Variants in DAB1 observed in about 807,000 individuals in gnomAD.
DAB1 encodes the protein DAB adaptor protein 1.
In DAB1, 15 loss-of-function variants were observed where a neutral mutation model predicts 64.6. The observed-to-expected ratio is 0.23, with a 90% CI of 0.16 to 0.36. DAB1 has a LOEUF of 0.36. DAB1 is among the 10% of genes least tolerant of loss of function. DAB1 has a pLI of 1.00. For missense variants in DAB1, 596 were observed against 706.7 expected (o/e 0.84, Z 1.78); for synonymous variants, 235 against 251.9 (o/e 0.93, Z 0.64).
intron 7 of DAB1, among the ~76,000 whole-genome samples, chr1:57,628,839 CTCTT>C (rs1375271359): frequency 6.6e-6 from 1 of 152,124 alleles, no homozygotes; most frequent in South Asian, 2.1e-4. Flanking sequence ...CCAGTTTTTA[CTCTT>C]TCTTCAATAT....
chr1:58,324,938 T>C (rs1380701597), intron 4 of DAB1, among the ~76,000 whole-genome samples: 1 of 152,246 alleles, frequency 6.6e-6, no homozygotes, highest in Non-Finnish European at 1.5e-5. Context: ...CATTCCACTG[T>C]GCTATGGACA....
At chr1:57,702,897 C>G (rs1646923364) in intron 6 of DAB1, among the ~76,000 whole-genome samples, 1 of 152,278 alleles carries the variant, frequency 6.6e-6, no homozygotes, top group African/African-American at 2.4e-5. Context: ...ACACCTACAA[C>G]TATCTGGTCT....
chr1:57,553,428 AAGAAAGAAAGAAAG>A (rs1558487128), intron 7 of DAB1, among the ~76,000 whole-genome samples: 53 of 16,310 alleles, frequency 3.2e-3, no homozygotes, highest in African/African-American at 4.1e-3. Flanking sequence ...GAAAGAAAGA[AAGAAAGAAAGAAAG>A]AGAAAGAAAG....
chr1:57,336,994 A>T (rs1272174443), intron 1 of DAB1, among the ~76,000 whole-genome samples: 1 of 151,798 alleles, frequency 6.6e-6, no homozygotes, highest in Non-Finnish European at 1.5e-5. Context: ...GTACTCACAA[A>T]CAGAGAGTGT....
At chr1:58,048,990 A>G (rs1647438305) in intron 5 of DAB1, 2 of 810,396 alleles carry the variant, frequency 2.5e-6, no homozygotes, top group Non-Finnish European at 4.3e-6. Flanking sequence ...TTCACAGTTA[A>G]GTGGGCACCT....
At chr1:58,365,742 C>A (rs1644210475) in intron 3 of DAB1, among the ~76,000 whole-genome samples, 1 of 152,120 alleles carries the variant, frequency 6.6e-6, no homozygotes, top group African/African-American at 2.4e-5. Flanking sequence ...AAGATAAGCA[C>A]CAAGGGCACA....
intron 7 of DAB1, among the ~76,000 whole-genome samples, chr1:57,490,847 T>C (rs543525812): frequency 6.6e-6 from 1 of 152,342 alleles, no homozygotes; most frequent in South Asian, 2.1e-4. Context: ...TTGATACAAA[T>C]GAAACTTGCA....
chr1:57,923,764 T>TA (rs1343076209), intron 5 of DAB1, among the ~76,000 whole-genome samples: 1 of 152,236 alleles, frequency 6.6e-6, no homozygotes, highest in Non-Finnish European at 1.5e-5. Context: ...TGTTAAGTGT[T>TA]AAACACTTCG....
At chr1:58,305,580 CATATTTGAGTATCTCCTT>C (rs1174747024) in intron 4 of DAB1, among the ~76,000 whole-genome samples, 1 of 151,506 alleles carries the variant, frequency 6.6e-6, no homozygotes, top group Non-Finnish European at 1.5e-5. Context: ...TAAAGCATTT[CATATTTGAGTATCTCCTT>C]ACAATGCATG....
chr1:57,743,482 G>A (rs189780462), intron 6 of DAB1, among the ~76,000 whole-genome samples: 1 of 152,282 alleles, frequency 6.6e-6, no homozygotes, highest in Non-Finnish European at 1.5e-5. Context: ...GACTCAGCTC[G>A]CCTGCACCCA....
intron 1 of DAB1, among the ~76,000 whole-genome samples, chr1:57,854,382 G>A (rs1653663919): frequency 6.6e-6 from 1 of 152,210 alleles, no homozygotes; most frequent in African/African-American, 2.4e-5. Context: ...AAGGGGGAGT[G>A]TGAATGTCAC....
At chr1:57,952,623 C>T (rs2100242739) in intron 5 of DAB1, among the ~76,000 whole-genome samples, 1 of 152,112 alleles carries the variant, frequency 6.6e-6, no homozygotes, top group South Asian at 2.1e-4. Flanking sequence ...GGGAGGAAGG[C>T]TAGGGATTCT....
chr1:57,709,200 T>C (rs1314621748), intron 6 of DAB1, among the ~76,000 whole-genome samples: 2 of 152,220 alleles, frequency 1.3e-5, no homozygotes, highest in Non-Finnish European at 2.9e-5. Flanking sequence ...CTTATTTCTC[T>C]TTGTGAACTC....
intron 5 of DAB1, among the ~76,000 whole-genome samples, chr1:58,111,272 A>G (rs191662023): frequency 1.0e-3 from 156 of 152,372 alleles, no homozygotes; most frequent in African/African-American, 3.7e-3. Flanking sequence ...ATATCTGGCC[A>G]CAAATCAAAT....
At chr1:57,610,983 C>A (rs1645718856) in intron 7 of DAB1, among the ~76,000 whole-genome samples, 1 of 152,170 alleles carries the variant, frequency 6.6e-6, no homozygotes, top group African/African-American at 2.4e-5. Context: ...GGATGCTTAT[C>A]TTTCTTTTGG....
At chr1:57,222,020 G>C (rs1276997030) in intron 2 of DAB1, among the ~76,000 whole-genome samples, 5 of 151,906 alleles carry the variant, frequency 3.3e-5, no homozygotes, top group Non-Finnish European at 7.4e-5. Flanking sequence ...GCTTTCCAAG[G>C]GCCAGGCACT....
chr1:57,988,369 C>T (rs1029923940), intron 5 of DAB1, among the ~76,000 whole-genome samples: 3 of 152,190 alleles, frequency 2.0e-5, no homozygotes, highest in Non-Finnish European at 4.4e-5. Flanking sequence ...CTTAACCTCT[C>T]TGATCTTCTT....
At chr1:57,609,769 A>G (rs1645703698) in intron 7 of DAB1, among the ~76,000 whole-genome samples, 1 of 152,202 alleles carries the variant, frequency 6.6e-6, no homozygotes. Flanking sequence ...CATTATGTCA[A>G]AAAATAAACT....
chr1:57,802,131 T>C (rs544589303), intron 6 of DAB1, among the ~76,000 whole-genome samples: 4 of 152,312 alleles, frequency 2.6e-5, no homozygotes, highest in Admixed American at 2.6e-4. Flanking sequence ...AAGCTAATGT[T>C]CGAACATTTA....
Sources: allele counts gnomAD v4.1 joint callset (sites outside exome capture counted in the v4.1 genomes callset), GRCh38; gene constraint gnomAD v4.1.1; transcripts MANE v1.5; gene names NCBI Gene and HGNC (gene_info 2026-07-23, HGNC 2026-07-21).